Variants in MACROD2 observed in about 807,000 individuals in gnomAD.
MACROD2 encodes ADP-ribose glycohydrolase MACROD2.
MACROD2 carries 36 observed loss-of-function variants against 70.4 expected under a neutral mutation model. The observed-to-expected ratio is 0.51, with a 90% CI of 0.39 to 0.68. The LOEUF is 0.68. MACROD2 is among the 30% of genes least tolerant of loss of function. The pLI is 0.00. For missense variants in MACROD2, 496 were observed against 538.4 expected, an observed-to-expected ratio of 0.92 and a Z score of 0.78; for synonymous variants, 172 against 178.8, an observed-to-expected ratio of 0.96 and a Z score of 0.30.
At chr20:14,258,300 A>G (rs1413862784) in intron 3 of MACROD2, among the ~76,000 whole-genome samples, 1 of 152,102 alleles carries the variant, frequency 6.6e-6, no homozygotes, top group Non-Finnish European at 1.5e-5. Context: ...TAGTTCTTTA[A>G]AGAATCTCCA....
At chr20:15,711,565 A>G (rs868047094) in intron 8 of MACROD2, among the ~76,000 whole-genome samples, 2 of 152,228 alleles carry the variant, frequency 1.3e-5, no homozygotes, top group Non-Finnish European at 2.9e-5. Context: ...AGTGATTGCC[A>G]GCACATCCCA....
chr20:14,245,067 C>T (rs537744888), intron 3 of MACROD2, among the ~76,000 whole-genome samples: 2 of 152,084 alleles, frequency 1.3e-5, no homozygotes, highest in Non-Finnish European at 2.9e-5. Flanking sequence ...CGGAAGCTAA[C>T]AGTTTCATAT....
intron 5 of MACROD2, among the ~76,000 whole-genome samples, chr20:14,701,585 G>C (rs1387643880): frequency 6.6e-6 from 1 of 152,130 alleles, no homozygotes; most frequent in Non-Finnish European, 1.5e-5. Context: ...TAACTTATTA[G>C]TTAAATGAAT....
chr20:14,319,655 A>G (rs1357047182), intron 3 of MACROD2, among the ~76,000 whole-genome samples: 3 of 152,120 alleles, frequency 2.0e-5, no homozygotes. Flanking sequence ...TTTCATATTC[A>G]GTGGTGACCT....
Position 15,222,234 on chromosome 20 carries a change from G to T in MACROD2, c.419-7706G>T, listed in dbSNP as rs151223361. ...TCCGAATTTAGAAAAATGCTGCAGGGTGTGTTGAAGTACATTTTCAATGAT... is the reference window on the plus strand; with the variant it reads ...TCCGAATTTAGAAAAATGCTGCAGGTTGTGTTGAAGTACATTTTCAATGAT... On this transcript the variant is annotated intron_variant, in intron 5 of 17. Coordinates refer to ENST00000684519, the MANE Select transcript of MACROD2 (RefSeq NM_001351661.2). 1.2e-4 allele frequency among the ~76,000 whole-genome samples: 19 copies of T among 152,308 alleles called. No individual in the cohort carries two copies. The East Asian group carries it at 3.7e-3, about 29-fold the overall frequency.
chr20:15,269,753 T>C (rs1316462528), intron 6 of MACROD2, among the ~76,000 whole-genome samples: 1 of 152,200 alleles, frequency 6.6e-6, no homozygotes, highest in African/African-American at 2.4e-5. Context: ...AGACAATTCA[T>C]ATTTTCTGTG....
chr20:15,217,916 C>T (rs2076825104), intron 5 of MACROD2, among the ~76,000 whole-genome samples: 1 of 152,082 alleles, frequency 6.6e-6, no homozygotes, highest in Non-Finnish European at 1.5e-5. Context: ...CTCGCAGAGG[C>T]ACATGTTGAC....
chr20:15,181,842 G>T (rs1051053028), intron 5 of MACROD2, among the ~76,000 whole-genome samples: 1 of 152,028 alleles, frequency 6.6e-6, no homozygotes, highest in Non-Finnish European at 1.5e-5. Flanking sequence ...GAAATGACGG[G>T]CCTCTGCATT....
chr20:15,058,868 C>T (rs937250917), intron 5 of MACROD2, among the ~76,000 whole-genome samples: 18 of 152,092 alleles, frequency 1.2e-4, no homozygotes, highest in East Asian at 1.9e-4. Flanking sequence ...TCAACTAGAG[C>T]GTCAACTTAT....
rs138318283 is a variant in MACROD2 at position 15,706,548 on chromosome 20, A to G, written c.646-156197A>G. On this transcript the variant is annotated intron_variant, in intron 8 of 17. Coordinates refer to ENST00000684519, the MANE Select transcript of MACROD2 (RefSeq NM_001351661.2). ...TTAAGCCTATGAAAAATGAAGGAACATAAAATAAAAAGAGAGTAATTGCAT... is the reference window on the plus strand; with the variant it reads ...TTAAGCCTATGAAAAATGAAGGAACGTAAAATAAAAAGAGAGTAATTGCAT... 3.5e-4 allele frequency among the ~76,000 whole-genome samples: 54 copies of G among 152,366 alleles called. 1 individual carries two copies. The East Asian group carries it at 9.4e-3, about 27-fold the overall frequency.
At chr20:15,342,356 C>A (rs1027433682) in intron 6 of MACROD2, among the ~76,000 whole-genome samples, 37 of 152,104 alleles carry the variant, frequency 2.4e-4, no homozygotes, top group African/African-American at 8.9e-4. Flanking sequence ...AGACTAGGAT[C>A]GGTCAACTCC....
At chr20:15,340,233 G>C (rs1028569467) in intron 6 of MACROD2, among the ~76,000 whole-genome samples, 3 of 140,210 alleles carry the variant, frequency 2.1e-5, no homozygotes, top group African/African-American at 5.3e-5. Context: ...CTGCCTCCCA[G>C]GTTCAAGCAA....
At chr20:15,491,084 T>C (rs553279869) in intron 7 of MACROD2, among the ~76,000 whole-genome samples, 2 of 152,306 alleles carry the variant, frequency 1.3e-5, no homozygotes, top group African/African-American at 4.8e-5. Flanking sequence ...TTATACATAA[T>C]AATTGCTCAG....
intron 6 of MACROD2, among the ~76,000 whole-genome samples, chr20:15,305,327 C>G (rs1242050592): frequency 6.6e-6 from 1 of 151,918 alleles, no homozygotes; most frequent in African/African-American, 2.4e-5. Context: ...ACACTGTCCT[C>G]TTTTTCCAAA....
At chr20:14,146,946 C>G (rs1421453703) in intron 3 of MACROD2, among the ~76,000 whole-genome samples, 1 of 152,120 alleles carries the variant, frequency 6.6e-6, no homozygotes, top group Non-Finnish European at 1.5e-5. Context: ...TAGGCCAGGG[C>G]TTTTGTATGT....
chr20:15,173,262 C>A (rs2076436313), intron 5 of MACROD2, among the ~76,000 whole-genome samples: 1 of 152,024 alleles, frequency 6.6e-6, no homozygotes, highest in Non-Finnish European at 1.5e-5. Flanking sequence ...TTATGATTTC[C>A]TGAAAATGCT....
intron 5 of MACROD2, among the ~76,000 whole-genome samples, chr20:15,131,696 G>A (rs934465930): frequency 1.3e-5 from 2 of 151,984 alleles, no homozygotes; most frequent in African/African-American, 4.8e-5. Flanking sequence ...GAACTAGAAG[G>A]CTGTGTAGAA....
chr20:14,242,496 G>C (rs2081937904), intron 3 of MACROD2, among the ~76,000 whole-genome samples: 1 of 152,126 alleles, frequency 6.6e-6, no homozygotes, highest in African/African-American at 2.4e-5. Context: ...AGGTCAAATA[G>C]TGACTGTGGA....
intron 3 of MACROD2, among the ~76,000 whole-genome samples, chr20:14,390,362 T>C (rs1159956918): frequency 6.6e-6 from 1 of 152,174 alleles, no homozygotes; most frequent in Non-Finnish European, 1.5e-5. Flanking sequence ...TAAACTACCA[T>C]TGACATTCTT....
Sources: gnomAD v4.1 joint callset for allele counts (sites outside exome capture counted in the v4.1 genomes callset) on GRCh38, gnomAD v4.1.1 for gene constraint, MANE v1.5 for transcripts, NCBI Gene and HGNC (gene_info 2026-07-23, HGNC 2026-07-21) for gene names.